Variants in VAV3 observed in about 807,000 individuals in gnomAD.
The protein encoded by VAV3 is guanine nucleotide exchange factor VAV3.
In VAV3, 94 loss-of-function variants were observed where a neutral mutation model predicts 131.2. The ratio of observed to expected loss-of-function variants is 0.72; its 90% CI spans 0.61 to 0.85. VAV3 has a LOEUF of 0.85. Among genes scored for constraint, VAV3 ranks in the 40% least tolerant of loss-of-function variants. The pLI is 0.00. For missense variants in VAV3, 939 were observed against 1,002.7 expected (o/e 0.94, Z 0.86); for synonymous variants, 349 against 342.0 (o/e 1.02, Z -0.22).
chr1:107,719,481 T>A (rs1331147020), intron 15 of VAV3, among the ~76,000 whole-genome samples: 2 of 152,192 alleles, frequency 1.3e-5, no homozygotes, highest in East Asian at 3.8e-4. Flanking sequence ...TCACTGGTCA[T>A]CAGAGAAATG....
intron 17 of VAV3, among the ~76,000 whole-genome samples, chr1:107,697,465 G>A (rs1659818005): frequency 6.6e-6 from 1 of 152,150 alleles, no homozygotes. Flanking sequence ...AGAATCAAAA[G>A]AGCAAGAGAG....
At chr1:107,738,294 G>A (rs1662800677) in intron 15 of VAV3, among the ~76,000 whole-genome samples, 1 of 152,144 alleles carries the variant, frequency 6.6e-6, no homozygotes, top group Admixed American at 6.5e-5. Context: ...CATGGCACAT[G>A]TATACATACG....
intron 17 of VAV3, among the ~76,000 whole-genome samples, chr1:107,696,155 T>G (rs1659732968): frequency 1.3e-5 from 2 of 152,220 alleles, no homozygotes; most frequent in African/African-American, 4.8e-5. Context: ...GCAAGCATTA[T>G]CTACAATCTG....
chr1:107,932,873 CTT>C (rs1673511343), intron 1 of VAV3, among the ~76,000 whole-genome samples: 3 of 152,166 alleles, frequency 2.0e-5, no homozygotes, highest in Non-Finnish European at 2.9e-5. Flanking sequence ...CTTGAAGCCT[CTT>C]AAAAAAACTA....
At chr1:107,643,854 A>T (rs1445301924) in intron 19 of VAV3, among the ~76,000 whole-genome samples, 1 of 152,132 alleles carries the variant, frequency 6.6e-6, no homozygotes, top group Admixed American at 6.6e-5. Flanking sequence ...AACAGACTAG[A>T]AAAGTTTTAG....
chr1:107,914,947 C>G (rs1672539245), intron 1 of VAV3, among the ~76,000 whole-genome samples: 1 of 152,138 alleles, frequency 6.6e-6, no homozygotes, highest in African/African-American at 2.4e-5. Context: ...ACTTTGAAAA[C>G]TAAAGGGAAG....
intron 22 of VAV3, 110 bp from the exon 23 acceptor site, chr1:107,603,273 T>TA: frequency 1.3e-6 from 1 of 779,364 alleles, no homozygotes; most frequent in Non-Finnish European, 2.1e-6. Flanking sequence ...GAGCTGTTGG[T>TA]AATTCTATAC....
chr1:107,704,297 T>A (rs930985419), intron 17 of VAV3, among the ~76,000 whole-genome samples: 50 of 152,284 alleles, frequency 3.3e-4, no homozygotes, highest in African/African-American at 1.2e-3. Flanking sequence ...CATGAAACCA[T>A]CCAACTCCCT....
chr1:107,814,023 CCAT>C (rs1349733914), intron 2 of VAV3, among the ~76,000 whole-genome samples: 63 of 129,340 alleles, frequency 4.9e-4, no homozygotes, highest in African/African-American at 1.7e-3. Context: ...TGTATACACA[CCAT>C]GTTTTCTTTA....
chr1:107,768,111 C>T (rs1172160672), intron 7 of VAV3, among the ~76,000 whole-genome samples: 2 of 152,072 alleles, frequency 1.3e-5, no homozygotes, highest in African/African-American at 4.8e-5. Context: ...GGAAGAGCAA[C>T]AGAGCTCCGC....
chr1:107,860,312 G>C (rs1341922577), intron 2 of VAV3, among the ~76,000 whole-genome samples: 2 of 152,110 alleles, frequency 1.3e-5, no homozygotes, highest in African/African-American at 4.8e-5. Context: ...TGTAGAGACA[G>C]AAATGATAAT....
rs139952721 is a variant in VAV3, at chr1:107,856,954, G to A, written c.321+17947C>T. ...CTTGGCAGGCTGAGGCAGGAGGGTC[G>A]CTTGAGCCCAAGAGTTTGAGGTTAC... On this transcript the variant is annotated intron_variant, in intron 2 of 26. Coordinates refer to ENST00000370056, the MANE Select transcript of VAV3 (RefSeq NM_006113.5). 3.7e-3 allele frequency among the ~76,000 whole-genome samples: 556 copies of A among 152,210 alleles called. 4 individuals are homozygous for A. Among genetic ancestry groups the A allele is most frequent in the African/African-American group, 0.013 (526 of 41,522 alleles).
At chr1:107,879,866 G>A (rs1182568487) in intron 1 of VAV3, among the ~76,000 whole-genome samples, 1 of 152,106 alleles carries the variant, frequency 6.6e-6, no homozygotes, top group Non-Finnish European at 1.5e-5. Flanking sequence ...TGCCAAGTAA[G>A]GATACACAAA....
At chr1:107,902,915 T>C (rs918169274) in intron 1 of VAV3, among the ~76,000 whole-genome samples, 1 of 152,222 alleles carries the variant, frequency 6.6e-6, no homozygotes. Flanking sequence ...CTGATGTTAT[T>C]ATACCAAAGG....
chr1:107,725,302 T>A (rs1661773547), intron 15 of VAV3, among the ~76,000 whole-genome samples: 1 of 152,082 alleles, frequency 6.6e-6, no homozygotes. Flanking sequence ...ACTGGTGTCA[T>A]CACTAGCAGA....
chr1:107,573,404 T>C (rs756328146), intron 26 of VAV3, 32 bp from the exon 27 acceptor site: 24 of 1,613,524 alleles, frequency 1.5e-5, no homozygotes, highest in Middle Eastern at 3.3e-4. Flanking sequence ...CACAGCAACA[T>C]GACTTTGTAT....
chr1:107,704,858 T>C (rs895404699), intron 16 of VAV3, 102 bp downstream of exon 16: 148 of 1,261,828 alleles, frequency 1.2e-4, no homozygotes, highest in Non-Finnish European at 1.6e-4. Context: ...TAAGGCAAAT[T>C]CCCCACTTTA....
chr1:107,702,703 ATTATT>A (rs534309853), intron 17 of VAV3, among the ~76,000 whole-genome samples: 21 of 151,966 alleles, frequency 1.4e-4, no homozygotes, highest in Non-Finnish European at 2.4e-4. Flanking sequence ...ATACTTGCGT[ATTATT>A]TTAAAGTTTG....
At chr1:107,660,186 C>T (rs1417869016) in intron 19 of VAV3, among the ~76,000 whole-genome samples, 1 of 152,166 alleles carries the variant, frequency 6.6e-6, no homozygotes, top group Non-Finnish European at 1.5e-5. Flanking sequence ...GCATGTTGAA[C>T]CCTGCAATGC....
Sources: gnomAD v4.1 joint callset for allele counts (sites outside exome capture counted in the v4.1 genomes callset) on GRCh38, gnomAD v4.1.1 for gene constraint, MANE v1.5 for transcripts, NCBI Gene and HGNC (gene_info 2026-07-23, HGNC 2026-07-21) for gene names.